SCML4: variants seen among roughly 807,000 people sequenced by gnomAD.
SCML4 encodes the protein Scm polycomb group protein like 4, also known as sex comb on midleg-like protein 4.
SCML4 carries 34 observed loss-of-function variants against 41.1 expected under a neutral mutation model. That is an observed-to-expected ratio of 0.83 (90% CI 0.63 to 1.10). The LOEUF is 1.10. Ranked by LOEUF, SCML4 falls within the 50% of genes least tolerant of loss-of-function variation. SCML4 has a pLI of 0.00. For synonymous variants in SCML4, 214 were observed against 220.9 expected, an observed-to-expected ratio of 0.97 and a Z score of 0.28; for missense variants, 522 against 534.1, an observed-to-expected ratio of 0.98 and a Z score of 0.22.
Position 107,770,178 on chromosome 6 carries a change from G to A in SCML4, c.156+1994C>T, listed in dbSNP as rs368918419. ...CAAAATAAAACTGGGGAGATTAATA[G>A]GTTGCCAACTTTATTTTGCCAACTA... On this transcript the variant is annotated intron_variant, in intron 2 of 7. Transcript: ENST00000369020. Among the ~76,000 whole-genome samples, 10 of 152,122 alleles carry A rather than the reference G, an allele frequency of 6.6e-5. No homozygotes were observed. The East Asian group carries it at 1.7e-3, about 26-fold the overall frequency.
At chr6:107,836,622 C>T in the SCML4 span, among the ~76,000 whole-genome samples, 1 of 152,180 alleles carries the variant, frequency 6.6e-6, no homozygotes, top group East Asian at 1.9e-4. Context: ...GGCTCTCCCA[C>T]TAATAATTTT....
the SCML4 span, among the ~76,000 whole-genome samples, chr6:107,830,182 A>T: frequency 6.6e-6 from 1 of 152,186 alleles, no homozygotes; most frequent in African/African-American, 2.4e-5. Flanking sequence ...CCATGTGCTA[A>T]AGACATAGGA....
At chr6:107,719,289 C>G (rs189255022) in intron 6 of SCML4, 2 of 152,532 alleles carry the variant, frequency 1.3e-5, no homozygotes, top group East Asian at 3.9e-4. Context: ...GCAAGGGGCC[C>G]CTTCTCACCT....
chr6:107,800,823 G>C (rs1195511909), intron 1 of SCML4, among the ~76,000 whole-genome samples: 3 of 152,198 alleles, frequency 2.0e-5, no homozygotes, highest in African/African-American at 7.2e-5. Flanking sequence ...TCTTCTTCCA[G>C]TGTTGTATTT....
intron 1 of SCML4, among the ~76,000 whole-genome samples, chr6:107,778,950 G>A (rs1781255789): frequency 6.6e-6 from 1 of 152,160 alleles, no homozygotes; most frequent in Non-Finnish European, 1.5e-5. Flanking sequence ...GGAGGCCGAG[G>A]CGGGCGGATC....
intron 2 of SCML4, among the ~76,000 whole-genome samples, chr6:107,767,745 C>T (rs1780176749): frequency 6.6e-6 from 1 of 152,220 alleles, no homozygotes; most frequent in Admixed American, 6.5e-5. Flanking sequence ...GTAACCAGCA[C>T]TGCGTTTCCT....
chr6:107,723,797 T>A (rs543261888), intron 5 of SCML4, among the ~76,000 whole-genome samples: 1 of 152,190 alleles, frequency 6.6e-6, no homozygotes, highest in Non-Finnish European at 1.5e-5. Context: ...CCAGCTTCTA[T>A]GGCAAATACT....
chr6:107,773,452 C>CA, intron 1 of SCML4, among the ~76,000 whole-genome samples: 1 of 152,050 alleles, frequency 6.6e-6, no homozygotes, highest in South Asian at 2.1e-4. Context: ...ATTAGCCAGG[C>CA]TTGGCTGCCC....
intron 5 of SCML4, among the ~76,000 whole-genome samples, chr6:107,725,073 A>G (rs945957438): frequency 6.6e-6 from 1 of 152,222 alleles, no homozygotes; most frequent in Admixed American, 6.6e-5. Flanking sequence ...GGAGAAGTTG[A>G]TTAAAGTTAC....
intron 5 of SCML4, among the ~76,000 whole-genome samples, chr6:107,725,242 A>G (rs529830349): frequency 6.6e-6 from 1 of 152,366 alleles, no homozygotes; most frequent in South Asian, 2.1e-4. Context: ...TGGATATCCC[A>G]AGTACACTGA....
chr6:107,802,919 T>A (rs1434114541), intron 1 of SCML4, among the ~76,000 whole-genome samples: 1 of 151,854 alleles, frequency 6.6e-6, no homozygotes, highest in Non-Finnish European at 1.5e-5. Context: ...GGTTTTCGTA[T>A]TTTTTTGGTG....
rs1303261246 is a variant in SCML4, at chr6:107,703,561, T to C, written c.*1639A>G. Among the ~76,000 whole-genome samples the C allele has an allele frequency of 6.6e-6, 1 of 151,852 alleles. No homozygotes were observed. The highest frequency in any genetic ancestry group is 1.5e-5 in the Non-Finnish European group (1 of 67,960). On this transcript the variant is annotated 3_prime_UTR_variant, in exon 8 of 8. Coordinates refer to ENST00000369020, the MANE Select transcript of SCML4 (RefSeq NM_198081.5). ...GGCCTTCATCTGGATTCTAACTATA[T>C]AGAGGGTCACTCTGCAGATCTACCC...
At position 107,785,390 on chromosome 6, in the gene SCML4, C is replaced by T. The variant is rs34909032; in HGVS notation, c.-59-13004G>A. Among the ~76,000 whole-genome samples, 84 of 152,282 alleles carry T rather than the reference C, an allele frequency of 5.5e-4. 1 individual carries two copies. The South Asian group carries it at 0.016, about 29-fold the overall frequency. On this transcript the variant is annotated intron_variant, in intron 1 of 7. Transcript: ENST00000369020. The stretch of plus-strand genomic sequence containing the variant: ...CTGAGGAGCTGATCTCAGGCTGCAG[C>T]GAATCAGTTTCGTAGCCTGCAGCTG...
chr6:107,740,827 G>A (rs1004699904), intron 5 of SCML4, among the ~76,000 whole-genome samples: 5 of 152,180 alleles, frequency 3.3e-5, no homozygotes, highest in African/African-American at 9.7e-5. Flanking sequence ...TTTAAACATC[G>A]GCTAGAAGCA....
chr6:107,789,801 C>T (rs1447324829), intron 1 of SCML4, among the ~76,000 whole-genome samples: 1 of 152,200 alleles, frequency 6.6e-6, no homozygotes, highest in Admixed American at 6.5e-5. Flanking sequence ...GGGCTGTGGG[C>T]ACTGATCCTG....
chr6:107,726,076 C>CAA (rs59523273), intron 5 of SCML4, among the ~76,000 whole-genome samples: 85 of 104,982 alleles, frequency 8.1e-4, no homozygotes, highest in African/African-American at 2.7e-3. Flanking sequence ...GACCCAGTCT[C>CAA]AAAAAAAAAA....
chr6:107,838,723 C>T, the SCML4 span, among the ~76,000 whole-genome samples: 7,649 of 152,076 alleles, frequency 0.05, 564 homozygotes, highest in East Asian at 0.16. Context: ...GTTACATCTC[C>T]GGGGGACGGT....
chr6:107,756,827 AGAG>A (rs1171159230), intron 2 of SCML4, among the ~76,000 whole-genome samples: 1 of 152,206 alleles, frequency 6.6e-6, no homozygotes, highest in Admixed American at 6.5e-5. Flanking sequence ...GGGTAAATGG[AGAG>A]GAGGAGAGAA....
chr6:107,769,933 C>T (rs1780381853), intron 2 of SCML4, among the ~76,000 whole-genome samples: 1 of 152,098 alleles, frequency 6.6e-6, no homozygotes, highest in Non-Finnish European at 1.5e-5. Context: ...CAATGAAATA[C>T]AAGATCTTTA....
Sources: gnomAD v4.1 joint callset for allele counts (sites outside exome capture counted in the v4.1 genomes callset) on GRCh38, gnomAD v4.1.1 for gene constraint, MANE v1.5 for transcripts, NCBI Gene and HGNC (gene_info 2026-07-23, HGNC 2026-07-21) for gene names.